The following RANBP2 variants were observed in gnomAD, a reference collection of about 807,000 sequenced individuals.
The protein encoded by RANBP2 is RAN binding protein 2, also known as E3 SUMO-protein ligase RanBP2.
A neutral mutation model predicts 303.6 loss-of-function variants in RANBP2; 57 were observed. The observed-to-expected ratio is 0.19, with a 90% confidence interval of 0.15 to 0.23. RANBP2 has a LOEUF of 0.23. RANBP2 is among the 10% of genes least tolerant of loss of function. RANBP2 has a pLI of 1.00. For missense variants in RANBP2, 3,138 were observed against 3,780.8 expected, an observed-to-expected ratio of 0.83 and a Z score of 4.46; for synonymous variants, 1,167 against 1,301.5, an observed-to-expected ratio of 0.90 and a Z score of 2.23.
the RANBP2 span, among the ~76,000 whole-genome samples, chr2:109,671,667 A>G: frequency 1.3e-5 from 2 of 151,810 alleles, no homozygotes; most frequent in Non-Finnish European, 2.9e-5. Context: ...TATCTTTTTT[A>G]TTGTTTTTTG....
chr2:108,840,636 T>C, the RANBP2 span, among the ~76,000 whole-genome samples: 3 of 152,166 alleles, frequency 2.0e-5, no homozygotes, highest in African/African-American at 7.2e-5. Flanking sequence ...TCTCTTATCC[T>C]TTTGATGTTT....
chr2:108,770,485 A>G (rs915910249), intron 20 of RANBP2, among the ~76,000 whole-genome samples: 7 of 152,212 alleles, frequency 4.6e-5, no homozygotes, highest in African/African-American at 1.7e-4. Flanking sequence ...ATTTGGTGCA[A>G]TGGCTTGTGC....
chr2:109,278,287 G>A, the RANBP2 span, among the ~76,000 whole-genome samples: 1 of 152,186 alleles, frequency 6.6e-6, no homozygotes, highest in Non-Finnish European at 1.5e-5. Flanking sequence ...AGGGCCCCGT[G>A]CTTCAGCCAC....
At chr2:109,693,142 T>C in the RANBP2 span, among the ~76,000 whole-genome samples, 1 of 152,020 alleles carries the variant, frequency 6.6e-6, no homozygotes, top group Non-Finnish European at 1.5e-5. Context: ...AGGCTTTATC[T>C]GCTTGATAAA....
chr2:109,232,013 C>A, the RANBP2 span, among the ~76,000 whole-genome samples: 2 of 152,140 alleles, frequency 1.3e-5, no homozygotes, highest in Non-Finnish European at 2.9e-5. Flanking sequence ...GAATCTGCCA[C>A]GTTTTATTTA....
the RANBP2 span, among the ~76,000 whole-genome samples, chr2:108,877,206 G>T: frequency 6.6e-6 from 1 of 152,050 alleles, no homozygotes; most frequent in East Asian, 1.9e-4. Flanking sequence ...GGTGGCTTAC[G>T]CCTGTAATCC....
the RANBP2 span, among the ~76,000 whole-genome samples, chr2:109,271,494 C>T: frequency 6.6e-6 from 1 of 152,226 alleles, no homozygotes; most frequent in East Asian, 1.9e-4. Flanking sequence ...CAACGTGAGA[C>T]TTTGCTGTCA....
the RANBP2 span, among the ~76,000 whole-genome samples, chr2:109,056,168 G>A: frequency 1.3e-5 from 2 of 151,630 alleles, no homozygotes; most frequent in East Asian, 3.9e-4. Context: ...AGGGGGTGGG[G>A]GAAGACAGGG....
the RANBP2 span, among the ~76,000 whole-genome samples, chr2:109,039,468 G>A: frequency 6.9e-3 from 1,043 of 152,034 alleles, 6 homozygotes; most frequent in East Asian, 0.035. Context: ...CTCCTGGCTC[G>A]GCCTCCCGAG....
the RANBP2 span, among the ~76,000 whole-genome samples, chr2:109,093,850 A>ACGCCTGGGG: frequency 6.6e-6 from 1 of 152,080 alleles, no homozygotes; most frequent in South Asian, 2.1e-4. Context: ...ACAGCCTGGG[A>ACGCCTGGGG]CTCCTGGGGA....
chr2:108,898,850 A>C, the RANBP2 span, among the ~76,000 whole-genome samples: 5 of 152,204 alleles, frequency 3.3e-5, no homozygotes, highest in African/African-American at 1.2e-4. Context: ...AATCAGTGAG[A>C]TGGATAATGG....
At chr2:108,948,083 C>G in the RANBP2 span, among the ~76,000 whole-genome samples, 1 of 152,222 alleles carries the variant, frequency 6.6e-6, no homozygotes, top group South Asian at 2.1e-4. Context: ...GAAATTTCTT[C>G]TGCCAGATGC....
the RANBP2 span, among the ~76,000 whole-genome samples, chr2:109,342,017 C>G: frequency 4.5e-4 from 69 of 152,336 alleles, no homozygotes; most frequent in Admixed American, 4.2e-3. Context: ...CAATTAGGGT[C>G]TCACCCGCCG....
the RANBP2 span, chr2:109,398,592 C>G: frequency 4.1e-5 from 64 of 1,558,138 alleles, no homozygotes; most frequent in African/African-American, 8.0e-4. Context: ...TCACTCAGCT[C>G]AATGACTCCG....
At chr2:109,377,370 A>G in the RANBP2 span, among the ~76,000 whole-genome samples, 2 of 152,150 alleles carry the variant, frequency 1.3e-5, no homozygotes, top group South Asian at 4.1e-4. Context: ...CCTCCTAGTC[A>G]TCCCAGTGTC....
At chr2:109,403,030 C>G in the RANBP2 span, among the ~76,000 whole-genome samples, 1 of 152,160 alleles carries the variant, frequency 6.6e-6, no homozygotes, top group East Asian at 1.9e-4. Context: ...GAGGAAGCCC[C>G]TTAGCTGGCC....
the RANBP2 span, chr2:109,545,985 A>T: frequency 5.3e-6 from 8 of 1,509,348 alleles, no homozygotes; most frequent in Admixed American, 9.3e-5. Flanking sequence ...AGCGCTAGGA[A>T]GATCCGACAG....
the RANBP2 span, among the ~76,000 whole-genome samples, chr2:108,844,208 C>T: frequency 1.2e-4 from 18 of 152,004 alleles, no homozygotes; most frequent in African/African-American, 4.3e-4. Context: ...TTCCTGGACT[C>T]TAATGACGTG....
chr2:108,898,529 C>T, the RANBP2 span, among the ~76,000 whole-genome samples: 107,430 of 152,036 alleles, frequency 0.71, 41,394 homozygotes, highest in East Asian at 0.91. Context: ...CATAAAACTA[C>T]ACAGGTCTCA....
Sources: allele counts gnomAD v4.1 joint callset (sites outside exome capture counted in the v4.1 genomes callset), GRCh38; gene constraint gnomAD v4.1.1; transcripts MANE v1.5; gene names NCBI Gene and HGNC (gene_info 2026-07-23, HGNC 2026-07-21).